NAALAD2: variants seen among roughly 807,000 people sequenced by gnomAD.
NAALAD2 encodes N-acetylated alpha-linked acidic dipeptidase 2, also known as N-acetylated-alpha-linked acidic dipeptidase 2.
In NAALAD2, 89 loss-of-function variants were observed where a neutral mutation model predicts 95.6. The ratio of observed to expected loss-of-function variants is 0.93; its 90% CI spans 0.78 to 1.11. The LOEUF is 1.11. Ranked by LOEUF, NAALAD2 falls within the 50% of genes least tolerant of loss-of-function variation. The probability of loss-of-function intolerance (pLI) is 0.00; values close to 1 mark genes in which losing one functional copy is unlikely to be tolerated. For missense variants in NAALAD2, 894 were observed against 872.4 expected (o/e 1.02, Z -0.31); for synonymous variants, 264 against 294.4 (o/e 0.90, Z 1.06).
intron 14 of NAALAD2, among the ~76,000 whole-genome samples, chr11:90,175,174 T>G (rs1212206425): frequency 6.6e-6 from 1 of 152,176 alleles, no homozygotes; most frequent in East Asian, 1.9e-4. Flanking sequence ...GTTTATAGCT[T>G]TATTCCTCAT....
chr11:90,172,901 C>CT (rs1555124507), intron 13 of NAALAD2, among the ~76,000 whole-genome samples: 2 of 152,134 alleles, frequency 1.3e-5, no homozygotes, highest in African/African-American at 4.8e-5. Context: ...GGTGAGAAGA[C>CT]TAAGGTTCAA....
At chr11:90,136,056 G>A (rs1345178513) in intron 2 of NAALAD2, among the ~76,000 whole-genome samples, 1 of 152,102 alleles carries the variant, frequency 6.6e-6, no homozygotes, top group Non-Finnish European at 1.5e-5. Flanking sequence ...AGTGATCAAA[G>A]TGTCTGATTC....
At position 90,142,045 on chromosome 11, in the gene NAALAD2, G is replaced by C. The variant is rs188855504; in HGVS notation, c.195-5285G>C. Among the ~76,000 whole-genome samples the C allele has an allele frequency of 2.6e-4, 39 of 152,102 alleles. 1 individual carries two copies. In the East Asian group the frequency reaches 4.8e-3, roughly 19 times the overall value. On this transcript the variant is annotated intron_variant, in intron 2 of 18. Coordinates refer to ENST00000534061, the MANE Select transcript of NAALAD2 (RefSeq NM_005467.4). ...AGTATGATGTAGCTGTCGTTATTTT[G>C]TTGATGCTCTTTGTCAAGTTAAGAA...
intron 16 of NAALAD2, among the ~76,000 whole-genome samples, chr11:90,178,835 AT>A (rs890428114): frequency 6.6e-6 from 1 of 152,138 alleles, no homozygotes; most frequent in East Asian, 1.9e-4. Flanking sequence ...TATATGAAAC[AT>A]TTTTTCCATG....
intron 13 of NAALAD2, among the ~76,000 whole-genome samples, chr11:90,172,947 A>C (rs1591012104): frequency 6.7e-6 from 1 of 149,810 alleles, no homozygotes; most frequent in Non-Finnish European, 1.5e-5. Context: ...TAATGCTTTC[A>C]CAGTTACTTA....
rs1431724662 is a variant in NAALAD2, at chr11:90,147,566, T to C, written c.381+50T>C. ...TATATTTTGCAATCCGACCGTTTTA[T>C]GTGGATTGTAATGTAGGGTCAAGTA... On this transcript the variant is annotated intron_variant, in intron 3 of 18. Coordinates refer to ENST00000534061, the MANE Select transcript of NAALAD2 (RefSeq NM_005467.4). The C allele has an allele frequency of 4.0e-6, 6 of 1,497,758 alleles. No homozygotes were observed. The East Asian group carries it at 6.8e-5, about 17-fold the overall frequency. The allele number at this position is 1,497,758 out of a possible 1,614,324, so 92.8% of individuals were successfully genotyped here.
chr11:90,134,565 G>A, upstream of NAALAD2: 3 of 581,356 alleles, frequency 5.2e-6, no homozygotes, highest in Non-Finnish European at 9.2e-6. Flanking sequence ...TCCTCCCTCT[G>A]CAGGGCTTCC....
chr11:90,169,067 GA>G, intron 12 of NAALAD2, 75 bp downstream of exon 12: 1 of 1,012,094 alleles, frequency 9.9e-7, no homozygotes, highest in Non-Finnish European at 1.5e-6. Flanking sequence ...TTATTGAGTA[GA>G]ATACCATCTA....
intron 4 of NAALAD2, among the ~76,000 whole-genome samples, chr11:90,150,038 G>A (rs962707113): frequency 6.6e-6 from 1 of 152,056 alleles, no homozygotes; most frequent in Non-Finnish European, 1.5e-5. Context: ...GATCTTTGGA[G>A]GTCAGGAGTT....
At chr11:90,176,971 T>G (rs1335277990) in intron 15 of NAALAD2, among the ~76,000 whole-genome samples, 1 of 152,222 alleles carries the variant, frequency 6.6e-6, no homozygotes, top group African/African-American at 2.4e-5. Context: ...TCTTCTGTAA[T>G]TTGCTCAAAG....
Position 90,158,250 on chromosome 11 carries a change from T to A in NAALAD2, c.890+12T>A, listed in dbSNP as rs1463089954. The A allele has an allele frequency of 4.4e-6, 7 of 1,575,252 alleles. No individual in the cohort carries two copies. The highest frequency in any genetic ancestry group is 4.0e-5 in the African/African-American group (3 of 74,114). ...GAAATATTATTACGGTATAGTTTTC[T>A]TGTTGGATATGAGATTAAGATATTT... On this transcript the variant is annotated intron_variant, in intron 7 of 18. Transcript: ENST00000534061.
chr11:90,178,275 G>T (rs1952861663), intron 16 of NAALAD2, among the ~76,000 whole-genome samples, 158 bp downstream of exon 16: 1 of 152,096 alleles, frequency 6.6e-6, no homozygotes, highest in Non-Finnish European at 1.5e-5. Flanking sequence ...ACCTATTAAA[G>T]AATCTGATTT....
At chr11:90,179,302 G>A (rs1952895645) in intron 16 of NAALAD2, among the ~76,000 whole-genome samples, 1 of 152,034 alleles carries the variant, frequency 6.6e-6, no homozygotes, top group African/African-American at 2.4e-5. Flanking sequence ...TATTACCTGG[G>A]AGATATAAAT....
At chr11:90,188,832 C>A (rs192279587) in intron 18 of NAALAD2, among the ~76,000 whole-genome samples, 3 of 152,240 alleles carry the variant, frequency 2.0e-5, no homozygotes, top group Admixed American at 1.3e-4. Context: ...TATTCTATTA[C>A]TCCTCGTTTT....
intron 6 of NAALAD2, among the ~76,000 whole-genome samples, chr11:90,154,603 C>A (rs764591108): frequency 3.3e-5 from 5 of 151,234 alleles, no homozygotes; most frequent in Non-Finnish European, 7.4e-5. Context: ...CTTGTAATAT[C>A]TTTGTGTCAT....
At chr11:90,145,529 A>G (rs564924521) in intron 2 of NAALAD2, among the ~76,000 whole-genome samples, 59 of 152,242 alleles carry the variant, frequency 3.9e-4, no homozygotes, top group Non-Finnish European at 8.1e-4. Context: ...TCCTATACAT[A>G]TAAAATAACT....
At chr11:90,169,529 AAAAG>A (rs1268103757) in intron 12 of NAALAD2, 1 of 153,386 alleles carries the variant, frequency 6.5e-6, no homozygotes, top group Non-Finnish European at 1.4e-5. Context: ...AAGAAAAAGA[AAAAG>A]AAAAAAACTG....
chr11:90,178,149 C>G (rs1952858475), intron 16 of NAALAD2, 32 bp downstream of exon 16: 2 of 1,577,650 alleles, frequency 1.3e-6, no homozygotes, highest in Non-Finnish European at 1.7e-6. Context: ...ATTTTACAGT[C>G]TTTAAGTTAG....
chr11:90,176,223 A>G (rs1337253413), intron 15 of NAALAD2, among the ~76,000 whole-genome samples, 161 bp downstream of exon 15: 8 of 152,168 alleles, frequency 5.3e-5, no homozygotes, highest in Admixed American at 5.2e-4. Context: ...TGGACAAGGA[A>G]GCAATTTGAG....
Sources: allele counts gnomAD v4.1 joint callset (sites outside exome capture counted in the v4.1 genomes callset), GRCh38; gene constraint gnomAD v4.1.1; transcripts MANE v1.5; gene names NCBI Gene and HGNC (gene_info 2026-07-23, HGNC 2026-07-21).